PWP1: variants seen among roughly 807,000 people sequenced by gnomAD.
PWP1 encodes the protein PWP1 homolog, endonuclein, also known as periodic tryptophan protein 1 homolog.
In PWP1, 47 loss-of-function variants were observed where a neutral mutation model predicts 69.9. The observed-to-expected ratio is 0.67, with a 90% confidence interval of 0.53 to 0.86. PWP1 has a LOEUF of 0.86. Among genes scored for constraint, PWP1 ranks in the 40% least tolerant of loss-of-function variants. The pLI is 0.00. For synonymous variants in PWP1, 222 were observed against 208.2 expected (o/e 1.07, Z -0.57); for missense variants, 551 against 608.8 (o/e 0.91, Z 1.00).
At chr12:107,688,006 G>C (rs924419812) in intron 1 of PWP1, among the ~76,000 whole-genome samples, 1 of 133,398 alleles carries the variant, frequency 7.5e-6, no homozygotes, top group African/African-American at 2.8e-5. Flanking sequence ...TCTTCAGCCT[G>C]GGCAACAGAG....
At chr12:107,708,782 A>G (rs983530267) in intron 11 of PWP1, 144 bp from the exon 12 acceptor site, 1 of 765,594 alleles carries the variant, frequency 1.3e-6, no homozygotes, top group Admixed American at 2.6e-5. Flanking sequence ...AGGTCGTCCA[A>G]AAGTAAATGA....
rs1889422519 is a variant in PWP1, at chr12:107,688,682, C to CG, written c.200dup (p.Thr68HisfsTer13). On this transcript the variant is annotated frameshift_variant, in exon 3 of 15. Transcript: ENST00000412830. LOFTEE classifies it high-confidence loss of function. Reference sequence around the variant, plus strand: ...TTCAGAAGATGGCATGCAGAGTGCACGCACCCAGGCACGCCCAAGAGAGCC... The same window carrying CG: ...TTCAGAAGATGGCATGCAGAGTGCACGGCACCCAGGCACGCCCAAGAGAGCC... 1 of 1,614,104 alleles carries CG rather than the reference C, an allele frequency of 6.2e-7. No individual in the cohort carries two copies. The highest frequency in any genetic ancestry group is 8.5e-7 in the Non-Finnish European group (1 of 1,179,954).
chr12:107,700,744 A>G (rs1388386163), intron 8 of PWP1, among the ~76,000 whole-genome samples: 3 of 152,188 alleles, frequency 2.0e-5, no homozygotes, highest in Admixed American at 6.5e-5. Flanking sequence ...AGGAGCCACC[A>G]TACTATTTTC....
rs186793867 is a variant in PWP1, at chr12:107,699,464, A to G, written c.806+30A>G. On this transcript the variant is annotated intron_variant, in intron 8 of 14. Transcript: ENST00000412830. ...AAAGAAATAACATTTGAATGATTGT[A>G]AAAGACTGTAGCCATTGTGATCTTA... 2.5e-3 allele frequency: 3,833 copies of G among 1,563,472 alleles called. 12 individuals are homozygous for G. Among genetic ancestry groups the G allele is most frequent in the Non-Finnish European group, 3.1e-3 (3,509 of 1,135,028 alleles).
chr12:107,699,322 T>G (rs1889656545), intron 7 of PWP1, 51 bp from the exon 8 acceptor site: 1 of 1,373,052 alleles, frequency 7.3e-7, no homozygotes, highest in Middle Eastern at 2.0e-4. Context: ...ATATTCAGTT[T>G]TATTATGAGG....
rs548725731 is a variant in PWP1 at position 107,710,640 on chromosome 12, A to G, written c.1396+130A>G. The G allele has an allele frequency of 1.4e-4, 196 of 1,384,588 alleles. No individual in the cohort carries two copies. In the African/African-American group the frequency reaches 2.7e-3, roughly 19 times the overall value. The allele number at this position is 1,384,588 out of a possible 1,614,324, so 85.8% of individuals were successfully genotyped here. A position where few individuals can be genotyped will look rare whatever the true frequency, so the allele number is the denominator to read the frequency against. On this transcript the variant is annotated intron_variant, in intron 14 of 14. Transcript: ENST00000412830. ...TGGCCTCAAGCAATCCTTGGTCCTCAGCCTTCTGTATAGCTGGGATTACAG... is the reference window on the plus strand; with the variant it reads ...TGGCCTCAAGCAATCCTTGGTCCTCGGCCTTCTGTATAGCTGGGATTACAG...
intron 8 of PWP1, among the ~76,000 whole-genome samples, chr12:107,701,739 G>A (rs544732436): frequency 9.9e-5 from 15 of 152,250 alleles, no homozygotes; most frequent in South Asian, 2.1e-4. Context: ...AGTGAGTGGT[G>A]TGATCTCAGC....
At chr12:107,692,439 T>C (rs1889498668) in intron 3 of PWP1, among the ~76,000 whole-genome samples, 1 of 152,236 alleles carries the variant, frequency 6.6e-6, no homozygotes, top group Admixed American at 6.5e-5. Flanking sequence ...TTGATTTCAG[T>C]GTTTCAGGGT....
At chr12:107,702,799 A>C (rs1195491754) in intron 8 of PWP1, 136 bp from the exon 9 acceptor site, 1 of 636,034 alleles carries the variant, frequency 1.6e-6, no homozygotes, top group Non-Finnish European at 2.8e-6. Flanking sequence ...TCATTATGTA[A>C]GTCTTACATT....
Position 107,709,321 on chromosome 12 carries a change from G to A in PWP1, c.1290+89G>A, listed in dbSNP as rs1039894428. 1.1e-5 allele frequency: 16 copies of A among 1,477,770 alleles called. No individual in the cohort carries two copies. The Middle Eastern group carries it at 1.3e-3, about 121-fold the overall frequency. 91.5% of individuals were successfully genotyped at this position (1,477,770 alleles called of 1,614,324 possible). On this transcript the variant is annotated intron_variant, in intron 13 of 14. Coordinates refer to ENST00000412830, the MANE Select transcript of PWP1 (RefSeq NM_007062.3). ...ACTTGTGTTGCGTGTTTTTCTGTTG[G>A]AACTATTGCATTAACAAATATGGAT...
rs1403139436 is a variant in PWP1, at chr12:107,693,077, G to A, written c.483G>A (p.Gln161=). The A allele has an allele frequency of 3.1e-6, 5 of 1,612,136 alleles. No individual in the cohort carries two copies. Among genetic ancestry groups the A allele is most frequent in the East Asian group, 2.2e-5 (1 of 44,860 alleles). Residue 161 remains glutamine, a synonymous_variant, in exon 5 of 15, where the codon CAG becomes CAA. Transcript: ENST00000412830. ...LIVCGRAEQD[Q]CNLEVHVYNQ... ...TTTGTGGCCGAGCTGAACAGGACCA[G>A]TGCAATTTAGAGGTGCATGGTAAGT...
chr12:107,710,613 C>T, intron 14 of PWP1, 103 bp downstream of exon 14: 1 of 1,412,352 alleles, frequency 7.1e-7, no homozygotes, highest in Non-Finnish European at 9.3e-7. Context: ...GTCTCAAACT[C>T]CTGGCCTCAA....
chr12:107,688,292 A>G (rs561995001), intron 1 of PWP1, among the ~76,000 whole-genome samples, 156 bp from the exon 2 acceptor site: 7 of 152,202 alleles, frequency 4.6e-5, no homozygotes, highest in African/African-American at 1.4e-4. Context: ...TATAAAATCT[A>G]TATTTTTTAA....
At chr12:107,686,577 A>G (rs1889369635) in intron 1 of PWP1, among the ~76,000 whole-genome samples, 1 of 152,240 alleles carries the variant, frequency 6.6e-6, no homozygotes, top group African/African-American at 2.4e-5. Context: ...AGACTGTAGC[A>G]GAGGTGACGA....
In PWP1 at chr12:107,703,696, GCAGTT is replaced by G. The variant is rs1274662956; in HGVS notation, c.916_920del (p.Gln306SerfsTer4). On this transcript the variant is annotated frameshift_variant, in exon 10 of 15. Transcript: ENST00000412830. LOFTEE classifies it high-confidence loss of function. ...TTTCCTCCCTTTAGGTCCAAACACTGCAGTTTCATCCATTTGAAGCACAGACTCTG... is the reference window on the plus strand; with the variant it reads ...TTTCCTCCCTTTAGGTCCAAACACTGTCATCCATTTGAAGCACAGACTCTG... 1 of 1,606,332 alleles carries G rather than the reference GCAGTT, an allele frequency of 6.2e-7. No homozygotes were observed. Among genetic ancestry groups the G allele is most frequent in the African/African-American group, 1.3e-5 (1 of 74,708 alleles).
intron 3 of PWP1, among the ~76,000 whole-genome samples, chr12:107,690,902 G>T (rs1020861275): frequency 6.6e-6 from 1 of 152,176 alleles, no homozygotes; most frequent in Admixed American, 6.5e-5. Context: ...AGCACTGTGG[G>T]GTATCTGGAA....
rs78019596 is a variant in PWP1, at chr12:107,685,806, C to G, written c.-94C>G. 92 of 1,388,592 alleles carry G rather than the reference C, an allele frequency of 6.6e-5. 1 individual carries two copies. In the East Asian group the frequency reaches 2.0e-3, roughly 30 times the overall value. 86.0% of individuals were successfully genotyped at this position (1,388,592 alleles called of 1,614,324 possible). On this transcript the variant is annotated 5_prime_UTR_variant, in exon 1 of 15. Coordinates refer to ENST00000412830, the MANE Select transcript of PWP1 (RefSeq NM_007062.3). ...CATGCGCTCTGCCCTGGCAGCGGCC[C>G]TGTGCAGATCCCTGAGCGTGTGGCA...
chr12:107,698,985 C>T (rs771329055), intron 7 of PWP1, among the ~76,000 whole-genome samples: 3 of 152,086 alleles, frequency 2.0e-5, no homozygotes, highest in African/African-American at 4.8e-5. Flanking sequence ...AACAATAGGT[C>T]GGGTGCAGTA....
intron 1 of PWP1, among the ~76,000 whole-genome samples, chr12:107,686,793 C>T (rs570803968): frequency 1.3e-5 from 2 of 151,858 alleles, no homozygotes; most frequent in African/African-American, 2.4e-5. Context: ...GGTGAAACCC[C>T]GTCTCTACTA....
Sources: allele counts gnomAD v4.1 joint callset (sites outside exome capture counted in the v4.1 genomes callset), GRCh38; gene constraint gnomAD v4.1.1; transcripts MANE v1.5; gene names NCBI Gene and HGNC (gene_info 2026-07-23, HGNC 2026-07-21).